ATP1A1: variants seen among roughly 807,000 people sequenced by gnomAD.
ATP1A1 encodes the protein ATPase Na+/K+ transporting subunit alpha 1, also known as sodium/potassium-transporting ATPase subunit alpha-1.
A neutral mutation model predicts 114.8 loss-of-function variants in ATP1A1; 14 were observed. The observed-to-expected ratio is 0.12, with a 90% CI of 0.08 to 0.19. The LOEUF is 0.19. ATP1A1 is among the 10% of genes least tolerant of loss of function. The probability of loss-of-function intolerance (pLI) is 1.00; values close to 1 mark genes in which losing one functional copy is unlikely to be tolerated. For missense variants in ATP1A1, 524 were observed against 1,290.7 expected, an observed-to-expected ratio of 0.41 and a Z score of 9.10; for synonymous variants, 471 against 466.3, an observed-to-expected ratio of 1.01 and a Z score of -0.13.
intron 1 of ATP1A1, among the ~76,000 whole-genome samples, chr1:116,378,723 T>G (rs1651535589): frequency 6.6e-6 from 1 of 152,232 alleles, no homozygotes; most frequent in Non-Finnish European, 1.5e-5. Flanking sequence ...CTGGCAGTCA[T>G]TTTCCTTCCT....
At position 116,403,834 on chromosome 1, in the gene ATP1A1, T is replaced by C. The variant is rs371751183; in HGVS notation, c.2952-50T>C. 31 of 1,483,356 alleles carry C rather than the reference T, an allele frequency of 2.1e-5. No individual in the cohort carries two copies. In the African/African-American group the frequency reaches 3.9e-4, roughly 19 times the overall value. 91.9% of individuals were successfully genotyped at this position (1,483,356 alleles called of 1,614,324 possible). A position where few individuals can be genotyped will look rare whatever the true frequency, so the allele number is the denominator to read the frequency against. On this transcript the variant is annotated intron_variant, in intron 21 of 22. Transcript: ENST00000295598. ...GTGATGTGCAATTTCTCTTTCTTTA[T>C]TTGAACTGTGTTCGTGTGCATATAA...
chr1:116,374,312 CA>C, intron 1 of ATP1A1: 2 of 1,550,134 alleles, frequency 1.3e-6, no homozygotes, highest in Non-Finnish European at 1.7e-6. Context: ...CTGGAGTTGT[CA>C]TCCGATGGTG....
chr1:116,387,516 G>A lies in ATP1A1; in HGVS notation c.387+25G>A, dbSNP rs186729346. On this transcript the variant is annotated intron_variant, in intron 4 of 22. Coordinates refer to ENST00000295598, the MANE Select transcript of ATP1A1 (RefSeq NM_000701.8). This position sits in a 1 kb window ranked among gnomAD's most constrained non-coding sequence, Gnocchi z 6.7. Reference sequence around the variant, plus strand: ...TGTGAGTTCTGTAATTCAGCATATGGATTTGTAGTACACATCAGATATCTT... The same window carrying A: ...TGTGAGTTCTGTAATTCAGCATATGAATTTGTAGTACACATCAGATATCTT... 5.0e-6 allele frequency: 8 copies of A among 1,610,836 alleles called. No homozygotes were observed. The African/African-American group carries it at 8.0e-5, about 16-fold the overall frequency.
Position 116,392,767 on chromosome 1 carries a change from T to C in ATP1A1, c.1333-87T>C. On this transcript the variant is annotated intron_variant, in intron 10 of 22. Transcript: ENST00000295598. ...TCTGCTACCTCTGACAAGATTGGAA[T>C]GTGTCTTGAGTTATTTTTCCTGTTT... 3 of 1,481,932 alleles carry C rather than the reference T, an allele frequency of 2.0e-6. No individual in the cohort carries two copies. The South Asian group carries it at 3.9e-5, about 19-fold the overall frequency. 91.8% of individuals were successfully genotyped at this position (1,481,932 alleles called of 1,614,324 possible). A position where few individuals can be genotyped will look rare whatever the true frequency, so the allele number is the denominator to read the frequency against.
At position 116,399,464 on chromosome 1, in the gene ATP1A1, C is replaced by T; in HGVS notation, c.2493C>T (p.Ile831=). 6.2e-7 allele frequency: 1 copy of T among 1,614,172 alleles called. No individual in the cohort carries two copies. The highest frequency in any genetic ancestry group is 8.5e-7 in the Non-Finnish European group (1 of 1,180,020). ...CTTATGAGCAGGCTGAGAGTGACAT[C>T]ATGAAGAGACAGCCCAGAAATCCCA... ...SLAYEQAESD[I]MKRQPRNPKT... is the part of the protein sequence containing the mutation. Residue 831 remains isoleucine (I), a synonymous_variant, in exon 18 of 23, where the codon ATC becomes ATT. Transcript: ENST00000295598. The surrounding 1 kb of genome is among the most constrained non-coding windows in gnomAD (Gnocchi z 5.0).
At position 116,388,051 on chromosome 1, in the gene ATP1A1, T is replaced by A; in HGVS notation, c.388-80T>A. ...TGGTTTCTCTATTAAAAATCTGTTT[T>A]TTATTCAGTCAAAAAATTAATTGAA... On this transcript the variant is annotated intron_variant, in intron 4 of 22. Transcript: ENST00000295598. The surrounding 1 kb of genome is among the most constrained non-coding windows in gnomAD (Gnocchi z 5.6). 1 of 936,510 alleles carries A rather than the reference T, an allele frequency of 1.1e-6. No individual in the cohort carries two copies. The highest frequency in any genetic ancestry group is 1.7e-6 in the Non-Finnish European group (1 of 600,784). The allele number at this position is 936,510 out of a possible 1,614,324, so 58.0% of individuals were successfully genotyped here. A position where few individuals can be genotyped will look rare whatever the true frequency, so the allele number is the denominator to read the frequency against.
In ATP1A1 at chr1:116,399,162, C is replaced by T; in HGVS notation, c.2448+78C>T. ...TCATTCACTGGCACTATGCTCCCAGCATCCATGAGGCTGGCGTTGGGAAAA... is the reference window on the plus strand; with the variant it reads ...TCATTCACTGGCACTATGCTCCCAGTATCCATGAGGCTGGCGTTGGGAAAA... On this transcript the variant is annotated intron_variant, in intron 17 of 22. Coordinates refer to ENST00000295598, the MANE Select transcript of ATP1A1 (RefSeq NM_000701.8). The surrounding 1 kb of genome is among the most constrained non-coding windows in gnomAD (Gnocchi z 5.0). 2 of 1,591,762 alleles carry T rather than the reference C, an allele frequency of 1.3e-6. No individual in the cohort carries two copies. Among genetic ancestry groups the T allele is most frequent in the Non-Finnish European group, 1.7e-6 (2 of 1,163,192 alleles).
chr1:116,382,956 G>C (rs1054621464), intron 1 of ATP1A1, among the ~76,000 whole-genome samples: 13 of 152,182 alleles, frequency 8.5e-5, no homozygotes, highest in African/African-American at 1.9e-4. Context: ...GGCTGCTTCA[G>C]GGGGAGGTGT....
rs1184832096 is a variant in ATP1A1, at chr1:116,384,982, C to G, written c.183+140C>G. ...ATCTGCGTATCTACCATGTGACATG[C>G]ACAGAATTTGGGCATTTATATGCTA... On this transcript the variant is annotated intron_variant, in intron 3 of 22. Coordinates refer to ENST00000295598, the MANE Select transcript of ATP1A1 (RefSeq NM_000701.8). This position sits in a 1 kb window ranked among gnomAD's most constrained non-coding sequence, Gnocchi z 5.1. 3.7e-6 allele frequency: 3 copies of G among 801,902 alleles called. No homozygotes were observed. The East Asian group carries it at 8.5e-5, about 23-fold the overall frequency. The allele number at this position is 801,902 out of a possible 1,614,324, so 49.7% of individuals were successfully genotyped here. A position where few individuals can be genotyped will look rare whatever the true frequency, so the allele number is the denominator to read the frequency against.
At chr1:116,383,438 T>C in intron 1 of ATP1A1, 1 of 824,410 alleles carries the variant, frequency 1.2e-6, no homozygotes, top group Non-Finnish European at 1.5e-6. Flanking sequence ...TTAGATGTAT[T>C]GTATCATTTA....
rs1251381231 is a variant in ATP1A1, at chr1:116,393,397, T to C, written c.1468-134T>C. 4 of 962,300 alleles carry C rather than the reference T, an allele frequency of 4.2e-6. No homozygotes were observed. Among genetic ancestry groups the C allele is most frequent in the Admixed American group, 2.5e-5 (1 of 40,496 alleles). The allele number at this position is 962,300 out of a possible 1,614,324, so 59.6% of individuals were successfully genotyped here. On this transcript the variant is annotated intron_variant, in intron 11 of 22. Coordinates refer to ENST00000295598, the MANE Select transcript of ATP1A1 (RefSeq NM_000701.8). This position sits in a 1 kb window ranked among gnomAD's most constrained non-coding sequence, Gnocchi z 5.0. ...TTCAAAGTATGTTACAGGTGTAAGA[T>C]ACTTCAGAGTTCAGAAAGAAGGGAT...
At chr1:116,383,357 G>T (rs1008289065) in intron 1 of ATP1A1, 1 of 1,052,890 alleles carries the variant, frequency 9.5e-7, no homozygotes, top group Non-Finnish European at 1.2e-6. Flanking sequence ...GAGCACTAAA[G>T]ATATTTAAAT....
Position 116,401,856 on chromosome 1 carries a change from T to C in ATP1A1, c.2951+201T>C, listed in dbSNP as rs1653506409. On this transcript the variant is annotated intron_variant, in intron 21 of 22. Transcript: ENST00000295598. The surrounding 1 kb of genome is among the most constrained non-coding windows in gnomAD (Gnocchi z 4.7). ...GAGGCTTCCATGATAGCAGCTAGTG[T>C]TTAGGATTTGGCCCAAGATAAGATA... 1 of 607,340 alleles carries C rather than the reference T, an allele frequency of 1.6e-6. No individual in the cohort carries two copies. Among genetic ancestry groups the C allele is most frequent in the Non-Finnish European group, 2.9e-6 (1 of 345,012 alleles). 37.6% of individuals were successfully genotyped at this position (607,340 alleles called of 1,614,324 possible).
intron 1 of ATP1A1, among the ~76,000 whole-genome samples, chr1:116,378,357 T>G (rs1393517152): frequency 1.3e-5 from 2 of 152,256 alleles, no homozygotes; most frequent in Non-Finnish European, 2.9e-5. Context: ...CTGCACGTGA[T>G]CTCTTTCCAG....
Position 116,404,294 on chromosome 1 carries a change from G to T in ATP1A1, c.3044-122G>T. On this transcript the variant is annotated intron_variant, in intron 22 of 22. Coordinates refer to ENST00000295598, the MANE Select transcript of ATP1A1 (RefSeq NM_000701.8). This position sits in a 1 kb window ranked among gnomAD's most constrained non-coding sequence, Gnocchi z 4.8. Reference sequence around the variant, plus strand: ...TAAGTACAGTTGAGGTCCCATGTTTGGATTTTAACACACCCGACCCCCATC... The same window carrying T: ...TAAGTACAGTTGAGGTCCCATGTTTTGATTTTAACACACCCGACCCCCATC... 8.2e-7 allele frequency: 1 copy of T among 1,224,046 alleles called. No homozygotes were observed. The highest frequency in any genetic ancestry group is 2.5e-5 in the East Asian group (1 of 40,408). 75.8% of individuals were successfully genotyped at this position (1,224,046 alleles called of 1,614,324 possible).
Position 116,384,186 on chromosome 1 carries a change from C to A in ATP1A1, c.123+62C>A. On this transcript the variant is annotated intron_variant, in intron 2 of 22. Transcript: ENST00000295598. The surrounding 1 kb of genome is among the most constrained non-coding windows in gnomAD (Gnocchi z 5.1). ...TAAAAATCCATGATTTTTAATCCCC[C>A]AGGCCTCACTGTATTCTTCAAAGAA... 7.3e-7 allele frequency: 1 copy of A among 1,363,766 alleles called. No homozygotes were observed. The highest frequency in any genetic ancestry group is 2.4e-5 in the East Asian group (1 of 42,048). 84.5% of individuals were successfully genotyped at this position (1,363,766 alleles called of 1,614,324 possible).
At position 116,404,385 on chromosome 1, in the gene ATP1A1, T is replaced by G. The variant is rs373122787; in HGVS notation, c.3044-31T>G. On this transcript the variant is annotated intron_variant, in intron 22 of 22. Transcript: ENST00000295598. The surrounding 1 kb of genome is among the most constrained non-coding windows in gnomAD (Gnocchi z 4.8). Reference sequence around the variant, plus strand: ...CTGGAGCGAGGAAGACTCACTGTAGTGTGTCTTGTCTGTCTCTTTGCCACC... The same window carrying G: ...CTGGAGCGAGGAAGACTCACTGTAGGGTGTCTTGTCTGTCTCTTTGCCACC... 6.8e-6 allele frequency: 11 copies of G among 1,613,526 alleles called. No homozygotes were observed. Among genetic ancestry groups the G allele is most frequent in the Non-Finnish European group, 9.3e-6 (11 of 1,179,702 alleles).
At position 116,384,133 on chromosome 1, in the gene ATP1A1, T is replaced by TAGG. The variant is rs762877138; in HGVS notation, c.123+14_123+16dup. 5.0e-6 allele frequency: 8 copies of TAGG among 1,602,068 alleles called. No homozygotes were observed. The South Asian group carries it at 8.8e-5, about 18-fold the overall frequency. ...AGAAAGAAGTTTCTATGGTAAGTAC[T>TAGG]AGGAGGAATATTGTATTCCATCCTT... On this transcript the variant is annotated intron_variant, in intron 2 of 22. Transcript: ENST00000295598. The surrounding 1 kb of genome is among the most constrained non-coding windows in gnomAD (Gnocchi z 5.1).
chr1:116,399,265 C>CAGTT lies in ATP1A1; in HGVS notation c.2449-153_2449-150dup, dbSNP rs1484080893. On this transcript the variant is annotated intron_variant, in intron 17 of 22. Transcript: ENST00000295598. This position sits in a 1 kb window ranked among gnomAD's most constrained non-coding sequence, Gnocchi z 5.0. The stretch of plus-strand genomic sequence containing the variant: ...TCAGTATTACCACTCTTCAAGGCAG[C>CAGTT]AGTTAACATTTGTTTATCAGATGGG... 3 of 1,341,342 alleles carry CAGTT rather than the reference C, an allele frequency of 2.2e-6. No individual in the cohort carries two copies. In the Admixed American group the frequency reaches 6.9e-5, roughly 31 times the overall value. 83.1% of individuals were successfully genotyped at this position (1,341,342 alleles called of 1,614,324 possible).
Sources: allele counts gnomAD v4.1 joint callset (sites outside exome capture counted in the v4.1 genomes callset), GRCh38; gene constraint gnomAD v4.1.1; non-coding constraint Gnocchi (gnomAD v3.1); transcripts MANE v1.5; gene names NCBI Gene and HGNC (gene_info 2026-07-23, HGNC 2026-07-21).